The following MAP3K1 variants were observed in gnomAD, a reference collection of about 807,000 sequenced individuals.
MAP3K1 encodes MAP/ERK kinase kinase 1.
A neutral mutation model predicts 144.2 loss-of-function variants in MAP3K1; 36 were observed. The ratio of observed to expected loss-of-function variants is 0.25; its 90% CI spans 0.19 to 0.33. The LOEUF (loss-of-function observed/expected upper bound fraction) is 0.33, where lower values mean the gene tolerates loss of function less well. Among genes scored for constraint, MAP3K1 ranks in the 10% least tolerant of loss-of-function variants. The pLI, the probability that MAP3K1 is intolerant of heterozygous loss-of-function variation, is 1.00. For missense variants in MAP3K1, 1,650 were observed against 1,881.9 expected (o/e 0.88, Z 2.28); for synonymous variants, 718 against 688.7 (o/e 1.04, Z -0.67).
intron 1 of MAP3K1, among the ~76,000 whole-genome samples, chr5:56,847,977 A>G (rs990552915): frequency 1.3e-5 from 2 of 152,206 alleles, no homozygotes; most frequent in African/African-American, 4.8e-5. Context: ...CATTTTGAGC[A>G]TGTAAGAACA....
chr5:56,816,980 C>T, intron 1 of MAP3K1: 2 of 715,746 alleles, frequency 2.8e-6, no homozygotes, highest in Non-Finnish European at 3.4e-6. Context: ...CGGCTTGGCC[C>T]GGGGACTGCG....
intron 11 of MAP3K1, 30 bp from the exon 12 acceptor site, chr5:56,880,681 G>T (rs1748178081): frequency 6.8e-7 from 1 of 1,476,110 alleles, no homozygotes; most frequent in Non-Finnish European, 9.5e-7. Context: ...CCAAGATCCA[G>T]GATTGATGTT....
chr5:56,837,544 G>A (rs530017525), intron 1 of MAP3K1, among the ~76,000 whole-genome samples: 3 of 152,120 alleles, frequency 2.0e-5, no homozygotes, highest in Admixed American at 6.5e-5. Context: ...TCTTTCTGGC[G>A]TAGAAGTTCA....
At position 56,829,094 on chromosome 5, in the gene MAP3K1, G is replaced by A. The variant is rs1322424014; in HGVS notation, c.482+13039G>A. ...TTTCAAATAGACTTGGAATAAGACT[G>A]TTTAACTGATTTAATCATTGTAATT... On this transcript the variant is annotated intron_variant, in intron 1 of 19. Transcript: ENST00000399503. 2.0e-5 allele frequency among the ~76,000 whole-genome samples: 3 copies of A among 151,686 alleles called. No homozygotes were observed. The East Asian group carries it at 5.8e-4, about 29-fold the overall frequency.
At chr5:56,878,771 G>GA (rs930418141) in intron 10 of MAP3K1, among the ~76,000 whole-genome samples, 4 of 152,030 alleles carry the variant, frequency 2.6e-5, no homozygotes, top group African/African-American at 4.8e-5. Flanking sequence ...AAATTGCAGA[G>GA]AAAAGAGTTC....
chr5:56,849,495 T>C (rs565173468), intron 1 of MAP3K1, among the ~76,000 whole-genome samples: 27 of 152,358 alleles, frequency 1.8e-4, no homozygotes, highest in Non-Finnish European at 3.8e-4. Flanking sequence ...GGTCAAACTT[T>C]ACTGAATAAA....
At chr5:56,820,653 T>A (rs2111745748) in intron 1 of MAP3K1, 1 of 985,296 alleles carries the variant, frequency 1.0e-6, no homozygotes, top group South Asian at 4.7e-5. Context: ...ATTAATATGG[T>A]TCATTCATGG....
chr5:56,856,749 T>G lies in MAP3K1; in HGVS notation c.632T>G (p.Val211Gly), dbSNP rs1192268343. Residue 211 changes from valine to glycine, a missense_variant and splice_region_variant, in exon 2 of 20, where the codon GTG becomes GGG. Around this residue, in one of 6 missense-constraint regions of MAP3K1, gnomAD observed 148 missense variants for 177.2 expected, o/e 0.84. Coordinates refer to ENST00000399503, the MANE Select transcript of MAP3K1 (RefSeq NM_005921.2). ...GAAAGGAGAAATAGGCGAGGGCCTG[T>G]GGTAAGTGGCTATGGGTTACCAGTT... ...WLERRNRRGP[V>G]VVKPIPVKGD... 6.2e-7 allele frequency: 1 copy of G among 1,613,796 alleles called. No individual in the cohort carries two copies. Among genetic ancestry groups the G allele is most frequent in the African/African-American group, 1.3e-5 (1 of 74,918 alleles).
intron 1 of MAP3K1, among the ~76,000 whole-genome samples, chr5:56,817,910 G>C (rs1746028650): frequency 6.6e-6 from 1 of 152,198 alleles, no homozygotes; most frequent in East Asian, 1.9e-4. Flanking sequence ...GGTGGAGGCA[G>C]ATAGAATTTA....
chr5:56,872,764 A>C, intron 8 of MAP3K1, 42 bp downstream of exon 8: 1 of 1,606,016 alleles, frequency 6.2e-7, no homozygotes, highest in Non-Finnish European at 8.5e-7. Flanking sequence ...AATTTTTAAA[A>C]ATTTCTCAGT....
chr5:56,873,466 G>T (rs1411651362), intron 9 of MAP3K1, among the ~76,000 whole-genome samples: 1 of 152,106 alleles, frequency 6.6e-6, no homozygotes, highest in Non-Finnish European at 1.5e-5. Flanking sequence ...ATATGTGATG[G>T]TTACCTTGAG....
rs762996662 is a variant in MAP3K1 at position 56,815,811 on chromosome 5, C to A, written c.238C>A (p.Leu80Ile). Residue 80 changes from leucine (L) to isoleucine (I), a missense_variant, in exon 1 of 20, where the codon CTT becomes ATT. By Grantham distance (5) the Leu-to-Ile change is conservative (BLOSUM62 2). Transcript: ENST00000399503. ...CCAGCTGCCTGAGCAGCCGCTCTTC[C>A]TTGCCGCCTCACCGCCGGCCTCCTC... ...LDQLPEQPLF[L>I]AASPPASSTS... is the part of the protein sequence containing the mutation. The A allele has an allele frequency of 2.8e-6, 4 of 1,422,734 alleles. No individual in the cohort carries two copies. Among genetic ancestry groups the A allele is most frequent in the African/African-American group, 3.0e-5 (2 of 67,624 alleles). 88.1% of individuals were successfully genotyped at this position (1,422,734 alleles called of 1,614,324 possible).
intron 15 of MAP3K1, 98 bp downstream of exon 15, chr5:56,883,777 T>C (rs1329505424): frequency 7.9e-6 from 10 of 1,272,324 alleles, no homozygotes; most frequent in South Asian, 2.4e-5. Flanking sequence ...GTGTGTACTT[T>C]AGTTCTTTAA....
chr5:56,846,831 C>T (rs1229120986), intron 1 of MAP3K1, among the ~76,000 whole-genome samples: 2 of 152,150 alleles, frequency 1.3e-5, no homozygotes, highest in African/African-American at 4.8e-5. Flanking sequence ...GTTGATTTTT[C>T]TGTTCATCTA....
chr5:56,875,702 A>C (rs993915974), intron 10 of MAP3K1, among the ~76,000 whole-genome samples: 5 of 152,158 alleles, frequency 3.3e-5, no homozygotes, highest in African/African-American at 1.2e-4. Context: ...CCTAAAACAA[A>C]ACAAAACAAA....
At chr5:56,887,598 A>C (rs1748415800) in intron 18 of MAP3K1, 78 bp downstream of exon 18, 1 of 1,461,878 alleles carries the variant, frequency 6.8e-7, no homozygotes, top group East Asian at 2.3e-5. Flanking sequence ...ATTATCTTGC[A>C]GTGGTATCCA....
At chr5:56,860,024 A>T (rs757147828) in intron 3 of MAP3K1, 109 bp downstream of exon 3, 2 of 987,396 alleles carry the variant, frequency 2.0e-6, no homozygotes, top group Non-Finnish European at 3.1e-6. Flanking sequence ...TCAAAATATG[A>T]TCTGCAGACC....
At chr5:56,841,287 T>G (rs1317774171) in intron 1 of MAP3K1, among the ~76,000 whole-genome samples, 1 of 152,212 alleles carries the variant, frequency 6.6e-6, no homozygotes, top group Non-Finnish European at 1.5e-5. Flanking sequence ...TCGAATGTTC[T>G]GCTTGACAGT....
rs1263184187 is a variant in MAP3K1 at position 56,879,094 on chromosome 5, G to A, written c.2080G>A (p.Ala694Thr). ...CACCATCCTAGTCAAATGTGCAGAT[G>A]CCAATAGGTAAGGCTTTATTGATGA... is the stretch of plus-strand genomic sequence containing the variant. ...VDTILVKCAD[A>T]NSRTSQLSIS... The change falls in exon 11 of 20, where the codon GCC becomes ACC. Residue 694 changes from alanine (A) to threonine (T), a missense_variant. This residue lies in a region of MAP3K1 where 841 missense variants were observed against 886.5 expected (regional missense o/e 0.95). Coordinates refer to ENST00000399503, the MANE Select transcript of MAP3K1 (RefSeq NM_005921.2). The A allele has an allele frequency of 1.2e-6, 2 of 1,613,802 alleles. No homozygotes were observed. The highest frequency in any genetic ancestry group is 1.7e-6 in the Non-Finnish European group (2 of 1,179,858).
Sources: allele counts gnomAD v4.1 joint callset (sites outside exome capture counted in the v4.1 genomes callset), GRCh38; gene constraint gnomAD v4.1.1; regional missense constraint gnomAD v4.1.1; transcripts MANE v1.5; gene names NCBI Gene and HGNC (gene_info 2026-07-23, HGNC 2026-07-21).